The following CCDC91 variants were observed in gnomAD, a reference collection of about 807,000 sequenced individuals.
CCDC91 encodes the protein coiled-coil domain containing 91, also known as coiled-coil domain-containing protein 91.
Under a neutral mutation model 63.2 loss-of-function variants are expected in CCDC91, and 48 were observed. The observed-to-expected ratio is 0.76, with a 90% CI of 0.60 to 0.97. CCDC91 has a LOEUF of 0.97. CCDC91 is among the 50% of genes least tolerant of loss of function. The pLI is 0.00. For synonymous variants in CCDC91, 167 were observed against 165.8 expected (o/e 1.01, Z -0.06); for missense variants, 500 against 494.6 (o/e 1.01, Z -0.10).
chr12:28,495,372 A>G (rs147455148), intron 12 of CCDC91, among the ~76,000 whole-genome samples: 10 of 151,664 alleles, frequency 6.6e-5, no homozygotes, highest in Non-Finnish European at 1.2e-4. Context: ...TTGGATGCCT[A>G]TCAGTTTTGT....
intron 3 of CCDC91, among the ~76,000 whole-genome samples, chr12:28,279,042 T>C (rs1350468897): frequency 6.6e-6 from 1 of 152,058 alleles, no homozygotes; most frequent in Non-Finnish European, 1.5e-5. Context: ...TGTGTATATA[T>C]GCTTGATATG....
chr12:28,206,486 T>G (rs1942859282), intron 1 of CCDC91, among the ~76,000 whole-genome samples: 1 of 152,208 alleles, frequency 6.6e-6, no homozygotes, highest in Admixed American at 6.5e-5. Flanking sequence ...GGGAGACTAT[T>G]ATTATGACTA....
chr12:28,376,879 C>T (rs1432947827), intron 7 of CCDC91, among the ~76,000 whole-genome samples: 5 of 151,684 alleles, frequency 3.3e-5, no homozygotes, highest in African/African-American at 9.7e-5. Flanking sequence ...TTAGTTGACT[C>T]AATCAGTGTG....
At chr12:28,417,323 C>T (rs1437135515) in intron 8 of CCDC91, among the ~76,000 whole-genome samples, 1 of 152,000 alleles carries the variant, frequency 6.6e-6, no homozygotes, top group African/African-American at 2.4e-5. Context: ...TTTTGACAAA[C>T]ACAATCATGC....
chr12:28,540,210 C>T (rs563822512), intron 12 of CCDC91, among the ~76,000 whole-genome samples: 1 of 152,234 alleles, frequency 6.6e-6, no homozygotes, highest in Non-Finnish European at 1.5e-5. Context: ...CTGTTGTTTT[C>T]ATACATAGCC....
chr12:28,476,193 C>T (rs1166883113), intron 11 of CCDC91, among the ~76,000 whole-genome samples: 5 of 152,204 alleles, frequency 3.3e-5, no homozygotes, highest in African/African-American at 1.2e-4. Flanking sequence ...CCACACTGCA[C>T]TTACTCCAAA....
chr12:28,486,468 G>A (rs1951731425), intron 12 of CCDC91, among the ~76,000 whole-genome samples: 1 of 152,030 alleles, frequency 6.6e-6, no homozygotes, highest in Admixed American at 6.6e-5. Flanking sequence ...ATCTGAATGA[G>A]AAATTATATA....
intron 8 of CCDC91, among the ~76,000 whole-genome samples, chr12:28,424,429 G>A (rs1381422094): frequency 2.0e-5 from 3 of 152,110 alleles, no homozygotes. Flanking sequence ...TACCAGCAAT[G>A]CACAGAGATC....
chr12:28,541,859 T>A (rs1224559528), intron 12 of CCDC91, among the ~76,000 whole-genome samples: 1 of 152,120 alleles, frequency 6.6e-6, no homozygotes, highest in Non-Finnish European at 1.5e-5. Context: ...TATTTACCAT[T>A]GAACTCTATA....
At chr12:28,277,698 A>T (rs1442374206) in intron 3 of CCDC91, among the ~76,000 whole-genome samples, 1 of 152,002 alleles carries the variant, frequency 6.6e-6, no homozygotes, top group East Asian at 1.9e-4. Context: ...TTGATCAAGT[A>T]GGTCAGATTT....
intron 11 of CCDC91, among the ~76,000 whole-genome samples, chr12:28,469,219 C>T (rs775589384): frequency 1.3e-5 from 2 of 151,768 alleles, no homozygotes. Flanking sequence ...CTATTAGAAC[C>T]GATTTCAAAA....
chr12:28,459,462 T>A (rs913860487), intron 11 of CCDC91, among the ~76,000 whole-genome samples: 1 of 152,134 alleles, frequency 6.6e-6, no homozygotes, highest in Non-Finnish European at 1.5e-5. Flanking sequence ...ACAACACAAT[T>A]TGGCTCTTAG....
intron 11 of CCDC91, 58 bp from the exon 12 acceptor site, chr12:28,483,994 G>A: frequency 1.0e-6 from 1 of 960,194 alleles, no homozygotes; most frequent in Non-Finnish European, 1.6e-6. Flanking sequence ...ATATGAAATG[G>A]ACACAGATAT....
chr12:28,540,286 T>A (rs1942534510), intron 12 of CCDC91, among the ~76,000 whole-genome samples: 1 of 152,188 alleles, frequency 6.6e-6, no homozygotes, highest in African/African-American at 2.4e-5. Flanking sequence ...CCAGGCTTTT[T>A]TAAATGCTTC....
chr12:28,230,583 T>C (rs1375997692), intron 1 of CCDC91, among the ~76,000 whole-genome samples: 1 of 152,200 alleles, frequency 6.6e-6, no homozygotes, highest in Non-Finnish European at 1.5e-5. Context: ...TATACTGTTA[T>C]TAAACTGTAA....
chr12:28,307,752 A>G lies in CCDC91; in HGVS notation c.576+3A>G. Reference sequence around the variant, plus strand: ...AAGATAGATACAAAGAACTTCAGGTAAGGCGATTGAACTTAAGATTTAAAA... The same window carrying G: ...AAGATAGATACAAAGAACTTCAGGTGAGGCGATTGAACTTAAGATTTAAAA... On this transcript the variant is annotated splice_donor_region_variant and intron_variant, in intron 6 of 12. Transcript: ENST00000536442. The G allele has an allele frequency of 1.4e-6, 2 of 1,458,956 alleles. No homozygotes were observed. The highest frequency in any genetic ancestry group is 1.9e-6 in the Non-Finnish European group (2 of 1,054,090). 90.4% of individuals were successfully genotyped at this position (1,458,956 alleles called of 1,614,324 possible).
chr12:28,418,257 C>A (rs1947798115), intron 8 of CCDC91, among the ~76,000 whole-genome samples: 1 of 151,962 alleles, frequency 6.6e-6, no homozygotes, highest in Admixed American at 6.6e-5. Context: ...TAATAGCTTA[C>A]CAAAATTTAT....
intron 3 of CCDC91, among the ~76,000 whole-genome samples, chr12:28,300,441 C>T (rs1937939305): frequency 6.6e-6 from 1 of 151,096 alleles, no homozygotes; most frequent in Admixed American, 6.6e-5. Flanking sequence ...AATTGCTGTG[C>T]CAAATAATAT....
intron 1 of CCDC91, among the ~76,000 whole-genome samples, chr12:28,198,257 G>A (rs1941933933): frequency 6.6e-6 from 1 of 152,102 alleles, no homozygotes; most frequent in African/African-American, 2.4e-5. Flanking sequence ...TTTATATTAT[G>A]AGAATTCAGA....
Sources: gnomAD v4.1 joint callset for allele counts (sites outside exome capture counted in the v4.1 genomes callset) on GRCh38, gnomAD v4.1.1 for gene constraint, MANE v1.5 for transcripts, NCBI Gene and HGNC (gene_info 2026-07-23, HGNC 2026-07-21) for gene names.